The following FARP2 variants were observed in gnomAD, a reference collection of about 807,000 sequenced individuals.
FARP2 encodes the protein FERM, ARH/RhoGEF and pleckstrin domain protein 2.
Under a neutral mutation model 130.5 loss-of-function variants are expected in FARP2, and 111 were observed. That is an observed-to-expected ratio of 0.85 (90% CI 0.73 to 1.00). The LOEUF (loss-of-function observed/expected upper bound fraction) is 1.00. FARP2 is among the 50% of genes least tolerant of loss of function. FARP2 has a pLI of 0.00. For synonymous variants in FARP2, 504 were observed against 516.9 expected, an observed-to-expected ratio of 0.98 and a Z score of 0.34; for missense variants, 1,385 against 1,346.3, an observed-to-expected ratio of 1.03 and a Z score of -0.45.
chr2:241,457,795 G>T (rs3821283), intron 14 of FARP2, among the ~76,000 whole-genome samples: 3 of 150,738 alleles, frequency 2.0e-5, no homozygotes, highest in Non-Finnish European at 4.4e-5. Context: ...ACTAGGGACC[G>T]CTTTGGGTTC....
chr2:241,437,704 G>A (rs1231824634), intron 12 of FARP2, among the ~76,000 whole-genome samples: 13 of 144,750 alleles, frequency 9.0e-5, no homozygotes, highest in South Asian at 2.2e-4. Context: ...TTGCTCTGTC[G>A]CCCAGGCTGG....
chr2:241,494,050 G>T lies in FARP2; in HGVS notation c.3090G>T (p.Arg1030Ser), dbSNP rs1182342718. Residue 1030 changes from arginine to serine, a missense_variant, in exon 27 of 27, where the codon AGG becomes AGT. Coordinates refer to ENST00000264042, the MANE Select transcript of FARP2 (RefSeq NM_014808.4). The surrounding 1 kb of genome is among the most constrained non-coding windows in gnomAD (Gnocchi z 4.9). ...VIQGASSSAG[R>S]APSIVQDGPQ... ...AGGGGGCCAGCAGCTCAGCCGGGAGGGCCCCAAGCATCGTGCAGGATGGCC... is the reference window on the plus strand; with the variant it reads ...AGGGGGCCAGCAGCTCAGCCGGGAGTGCCCCAAGCATCGTGCAGGATGGCC... 1.4e-6 allele frequency: 2 copies of T among 1,422,484 alleles called. No homozygotes were observed. The highest frequency in any genetic ancestry group is 1.8e-6 in the Non-Finnish European group (2 of 1,087,692). 88.1% of individuals were successfully genotyped at this position (1,422,484 alleles called of 1,614,324 possible).
At chr2:241,418,183 A>C in intron 8 of FARP2, 74 bp downstream of exon 8, 1 of 1,524,548 alleles carries the variant, frequency 6.6e-7, no homozygotes. Flanking sequence ...GTTTGTTCTT[A>C]TAGATGTTAG....
chr2:241,387,112 A>G (rs574795076), intron 2 of FARP2: 2 of 152,346 alleles, frequency 1.3e-5, no homozygotes, highest in Admixed American at 1.3e-4. Context: ...TTGCTCTTCT[A>G]AAACCCCTTG....
At chr2:241,425,170 A>G (rs531664179) in intron 8 of FARP2, among the ~76,000 whole-genome samples, 7 of 152,212 alleles carry the variant, frequency 4.6e-5, no homozygotes, top group African/African-American at 1.4e-4. Context: ...TCAAGCCACT[A>G]TACTCCAGTC....
At chr2:241,441,604 G>A in intron 13 of FARP2, 48 bp downstream of exon 13, 3 of 1,613,188 alleles carry the variant, frequency 1.9e-6, no homozygotes, top group Non-Finnish European at 1.7e-6. Flanking sequence ...TGTCTGTGCT[G>A]GGGGGCAGAG....
Position 241,494,170 on chromosome 2 carries a change from GAC to G in FARP2, c.*49_*50del. 3 of 1,241,076 alleles carry G rather than the reference GAC, an allele frequency of 2.4e-6. No individual in the cohort carries two copies. The highest frequency in any genetic ancestry group is 3.3e-6 in the Non-Finnish European group (3 of 911,460). The allele number at this position is 1,241,076 out of a possible 1,614,324, so 76.9% of individuals were successfully genotyped here. ...TGGACACAACTACAAAGAACAGCAGGACACAGAGGTGACCTCTGTCCTGAGGC... is the reference window on the plus strand; with the variant it reads ...TGGACACAACTACAAAGAACAGCAGGACAGAGGTGACCTCTGTCCTGAGGC... On this transcript the variant is annotated 3_prime_UTR_variant, in exon 27 of 27. Coordinates refer to ENST00000264042, the MANE Select transcript of FARP2 (RefSeq NM_014808.4). This position sits in a 1 kb window ranked among gnomAD's most constrained non-coding sequence, Gnocchi z 4.9.
In FARP2 at chr2:241,482,143, T is replaced by C. The variant is rs902823555; in HGVS notation, c.2263-1322T>C. On this transcript the variant is annotated intron_variant, in intron 19 of 26. Coordinates refer to ENST00000264042, the MANE Select transcript of FARP2 (RefSeq NM_014808.4). This position sits in a 1 kb window ranked among gnomAD's most constrained non-coding sequence, Gnocchi z 4.6. Reference sequence around the variant, plus strand: ...ATAAAGTTGATGAGGTGCCAAAGGGTAAAAAGAACTGTGAAGTGTCAGGGA... The same window carrying C: ...ATAAAGTTGATGAGGTGCCAAAGGGCAAAAAGAACTGTGAAGTGTCAGGGA... 1.3e-5 allele frequency among the ~76,000 whole-genome samples: 2 copies of C among 151,798 alleles called. No homozygotes were observed. Among genetic ancestry groups the C allele is most frequent in the African/African-American group, 4.8e-5 (2 of 41,282 alleles).
At chr2:241,430,056 T>C (rs2063052962) in intron 8 of FARP2, among the ~76,000 whole-genome samples, 1 of 152,230 alleles carries the variant, frequency 6.6e-6, no homozygotes, top group Non-Finnish European at 1.5e-5. Context: ...TTCTTCCTAC[T>C]ACTGGAAGGA....
Position 241,494,073 on chromosome 2 carries a change from G to T in FARP2, c.3113G>T (p.Gly1038Val). Residue 1038 changes from glycine to valine, a missense_variant, in exon 27 of 27, where the codon GGC (glycine) becomes GTC (valine). Physicochemically the swap from Gly to Val is moderately radical, Grantham distance 109 (BLOSUM62 -3). Transcript: ENST00000264042. The surrounding 1 kb of genome is among the most constrained non-coding windows in gnomAD (Gnocchi z 4.9). ...AGGGCCCCAAGCATCGTGCAGGATG[G>T]CCCCCAACCCTCCTCAGGGCTGGAG... The part of the protein sequence containing the change: ...AGRAPSIVQD[G>V]PQPSSGLEGM... The T allele has an allele frequency of 4.2e-6, 6 of 1,445,488 alleles. No individual in the cohort carries two copies. The highest frequency in any genetic ancestry group is 5.4e-6 in the Non-Finnish European group (6 of 1,102,496). The allele number at this position is 1,445,488 out of a possible 1,614,324, so 89.5% of individuals were successfully genotyped here.
intron 2 of FARP2, among the ~76,000 whole-genome samples, chr2:241,377,476 G>C (rs531440676): frequency 5.3e-5 from 8 of 152,180 alleles, no homozygotes; most frequent in African/African-American, 1.9e-4. Context: ...CGAGTAGCTG[G>C]GACTATAGGC....
intron 19 of FARP2, chr2:241,478,052 T>C (rs1226228899): frequency 6.6e-6 from 1 of 152,286 alleles, no homozygotes; most frequent in Non-Finnish European, 1.5e-5. Flanking sequence ...CTTTTCACTG[T>C]CTTGATGTGG....
intron 2 of FARP2, among the ~76,000 whole-genome samples, chr2:241,397,775 A>T (rs1344960658): frequency 6.6e-6 from 1 of 151,964 alleles, no homozygotes; most frequent in Non-Finnish European, 1.5e-5. Context: ...GAGGATTATT[A>T]TAAAATGTGA....
rs1025829710 is a variant in FARP2, at chr2:241,410,924, C to G, written c.411-109C>G. 82 of 752,272 alleles carry G rather than the reference C, an allele frequency of 1.1e-4. No homozygotes were observed. In the South Asian group the frequency reaches 1.2e-3, roughly 11 times the overall value. 46.6% of individuals were successfully genotyped at this position (752,272 alleles called of 1,614,324 possible). Reference sequence around the variant, plus strand: ...CCTTGCGTTTTGCTCACTGTTGGGTCACTGCCACTTCCCAGGGCTCATTTG... The same window carrying G: ...CCTTGCGTTTTGCTCACTGTTGGGTGACTGCCACTTCCCAGGGCTCATTTG... On this transcript the variant is annotated intron_variant, in intron 5 of 26. Transcript: ENST00000264042.
chr2:241,367,842 T>C (rs1447915593), intron 1 of FARP2, among the ~76,000 whole-genome samples: 1 of 151,936 alleles, frequency 6.6e-6, no homozygotes, highest in Non-Finnish European at 1.5e-5. Context: ...GTCCTAGCTC[T>C]GTCACTTCTG....
chr2:241,464,555 G>A (rs1334417086), intron 17 of FARP2, among the ~76,000 whole-genome samples: 16 of 151,896 alleles, frequency 1.1e-4, no homozygotes, highest in African/African-American at 3.4e-4. Flanking sequence ...CCTAAAGCAG[G>A]GTCCCTCCAG....
rs1559773918 is a variant in FARP2, at chr2:241,441,533, C to T, written c.1388C>T (p.Pro463Leu). The change falls in exon 13 of 27, where the codon CCC becomes CTC. Residue 463 changes from proline to leucine, a missense_variant. Coordinates refer to ENST00000264042, the MANE Select transcript of FARP2 (RefSeq NM_014808.4). ...ACACCATCGGCCCAGCCCCTCGGGC[C>T]CCCCGCACTCCAGCCTGGTCCAGGT... ...PDTPSAQPLG[P>L]PALQPGPGLS... is the part of the protein sequence containing the mutation. The T allele has an allele frequency of 1.2e-6, 2 of 1,614,092 alleles. No individual in the cohort carries two copies. Among genetic ancestry groups the T allele is most frequent in the East Asian group, 4.5e-5 (2 of 44,874 alleles).
intron 8 of FARP2, among the ~76,000 whole-genome samples, chr2:241,424,269 A>AC (rs1433339994): frequency 6.6e-6 from 1 of 152,238 alleles, no homozygotes; most frequent in Non-Finnish European, 1.5e-5. Flanking sequence ...AGTCTCTTAC[A>AC]CCACAGCACA....
intron 1 of FARP2, among the ~76,000 whole-genome samples, chr2:241,361,075 A>G (rs528561219): frequency 1.2e-3 from 175 of 151,852 alleles, no homozygotes; most frequent in African/African-American, 4.1e-3. Flanking sequence ...TTGTACTGCT[A>G]TATTGATTAT....
Sources: gnomAD v4.1 joint callset for allele counts (sites outside exome capture counted in the v4.1 genomes callset) on GRCh38, gnomAD v4.1.1 for gene constraint, Gnocchi (gnomAD v3.1) non-coding constraint, MANE v1.5 for transcripts, NCBI Gene and HGNC (gene_info 2026-07-23, HGNC 2026-07-21) for gene names.